The following ARHGAP10 variants were observed in gnomAD, a reference collection of about 807,000 sequenced individuals.
ARHGAP10 encodes the protein rho GTPase-activating protein 10.
In ARHGAP10, 87 loss-of-function variants were observed where a neutral mutation model predicts 108.6. That is an observed-to-expected ratio of 0.80 (90% confidence interval 0.67 to 0.96). ARHGAP10 has a LOEUF of 0.96. ARHGAP10 is among the 40% of genes least tolerant of loss of function. ARHGAP10 has a pLI of 0.00. For missense variants in ARHGAP10, 939 were observed against 954.5 expected, an observed-to-expected ratio of 0.98 and a Z score of 0.21; for synonymous variants, 347 against 341.1, an observed-to-expected ratio of 1.02 and a Z score of -0.19.
chr4:147,875,628 G>A (rs140222359), intron 8 of ARHGAP10, among the ~76,000 whole-genome samples: 3 of 152,076 alleles, frequency 2.0e-5, no homozygotes, highest in African/African-American at 7.2e-5. Flanking sequence ...GGACATATTA[G>A]TATTTTTCTT....
chr4:147,734,644 C>T (rs889174396), intron 1 of ARHGAP10, among the ~76,000 whole-genome samples: 1 of 152,138 alleles, frequency 6.6e-6, no homozygotes, highest in African/African-American at 2.4e-5. Flanking sequence ...CTGGTTAGGG[C>T]GTGGCTATAG....
chr4:147,760,837 G>A (rs1560743292), intron 1 of ARHGAP10, among the ~76,000 whole-genome samples: 1 of 152,154 alleles, frequency 6.6e-6, no homozygotes, highest in Admixed American at 6.6e-5. Flanking sequence ...TGAATGGCCG[G>A]TGGGGCTTTC....
intron 1 of ARHGAP10, among the ~76,000 whole-genome samples, chr4:147,770,391 G>C (rs1275461484): frequency 2.6e-5 from 4 of 152,256 alleles, no homozygotes; most frequent in Non-Finnish European, 5.9e-5. Flanking sequence ...TGGGCATGGT[G>C]GTGGGCGCCT....
rs773065698 is a variant in ARHGAP10, at chr4:148,063,290, C to T, written c.2170C>T (p.Pro724Ser). 2 of 1,614,172 alleles carry T rather than the reference C, an allele frequency of 1.2e-6. No individual in the cohort carries two copies. The highest frequency in any genetic ancestry group is 3.3e-5 in the Admixed American group (2 of 60,028). ...FSPPATVADK[P>S]PESIRSRKAR... ...TCCTCCTGCTACTGTAGCGGACAAGCCACCTGAAAGGTACGTGGTTTGGAG... is the reference window on the plus strand; with the variant it reads ...TCCTCCTGCTACTGTAGCGGACAAGTCACCTGAAAGGTACGTGGTTTGGAG... The change falls in exon 21 of 23, where the codon CCA (proline) becomes TCA (serine). Residue 724 changes from proline to serine, a missense_variant. Physicochemically the swap from Pro to Ser is moderately conservative, Grantham distance 74 (BLOSUM62 -1). Coordinates refer to ENST00000336498, the MANE Select transcript of ARHGAP10 (RefSeq NM_024605.4).
chr4:148,072,272 T>A lies in ARHGAP10; in HGVS notation c.*191T>A. ...TGGGACGCACCACACAGAACTGTGA[T>A]TGTGGATCAGGAGGGGAATGTCAGG... On this transcript the variant is annotated 3_prime_UTR_variant, in exon 23 of 23. Coordinates refer to ENST00000336498, the MANE Select transcript of ARHGAP10 (RefSeq NM_024605.4). 8.3e-6 allele frequency: 4 copies of A among 479,600 alleles called. No homozygotes were observed. Among genetic ancestry groups the A allele is most frequent in the Non-Finnish European group, 1.5e-5 (4 of 275,110 alleles). The allele number at this position is 479,600 out of a possible 1,614,324, so 29.7% of individuals were successfully genotyped here.
intron 19 of ARHGAP10, among the ~76,000 whole-genome samples, chr4:148,044,126 CAGGA>C (rs1294381439): frequency 6.6e-6 from 1 of 151,986 alleles, no homozygotes; most frequent in Non-Finnish European, 1.5e-5. Context: ...CACTGTTTGG[CAGGA>C]AGGAAGAGAG....
intron 1 of ARHGAP10, among the ~76,000 whole-genome samples, chr4:147,803,574 CT>C (rs1323343782): frequency 6.6e-6 from 1 of 152,236 alleles, no homozygotes; most frequent in African/African-American, 2.4e-5. Context: ...TAGCCAACCT[CT>C]TTATTGCCCC....
At position 147,909,775 on chromosome 4, in the gene ARHGAP10, GAAGT is replaced by G; in HGVS notation, c.1162+3_1162+6del. The stretch of plus-strand genomic sequence containing the variant: ...ACAGCCATCATCCCAAGACCAGAAG[GAAGT>G]AAGTGCTCATTTATAAAAATGATTG... On this transcript the variant is annotated splice_donor_variant and coding_sequence_variant, in exon 12 of 23. Coordinates refer to ENST00000336498, the MANE Select transcript of ARHGAP10 (RefSeq NM_024605.4). LOFTEE classifies it high-confidence loss of function. 5 of 1,608,214 alleles carry G rather than the reference GAAGT, an allele frequency of 3.1e-6. No homozygotes were observed. The highest frequency in any genetic ancestry group is 1.7e-5 in the Admixed American group (1 of 59,980).
chr4:147,896,164 G>C (rs76654940), intron 10 of ARHGAP10, among the ~76,000 whole-genome samples: 1 of 152,106 alleles, frequency 6.6e-6, no homozygotes. Flanking sequence ...AGATGTGTGC[G>C]TTATGATCTT....
Position 147,732,470 on chromosome 4 carries a change from G to C in ARHGAP10, c.154+15G>C. ...TGCGACGAAAAGTAAGCGGGGACGCGGGCGCGGACGGGCTGCGGCGTGGCG... is the reference window on the plus strand; with the variant it reads ...TGCGACGAAAAGTAAGCGGGGACGCCGGCGCGGACGGGCTGCGGCGTGGCG... On this transcript the variant is annotated intron_variant, in intron 1 of 22. Coordinates refer to ENST00000336498, the MANE Select transcript of ARHGAP10 (RefSeq NM_024605.4). The C allele has an allele frequency of 6.2e-7, 1 of 1,608,798 alleles. No individual in the cohort carries two copies. The highest frequency in any genetic ancestry group is 1.1e-5 in the South Asian group (1 of 90,470).
chr4:148,022,641 A>G (rs963759326), intron 18 of ARHGAP10, among the ~76,000 whole-genome samples: 7 of 152,244 alleles, frequency 4.6e-5, no homozygotes, highest in Non-Finnish European at 7.3e-5. Context: ...TCTGTGAATG[A>G]CATTATAGAT....
chr4:147,733,828 C>G (rs1369869080), intron 1 of ARHGAP10, among the ~76,000 whole-genome samples: 6 of 152,208 alleles, frequency 3.9e-5, no homozygotes, highest in Non-Finnish European at 5.9e-5. Flanking sequence ...TTTTGGTTCT[C>G]TGACCTCTTT....
chr4:148,000,265 T>C (rs1390295578), intron 18 of ARHGAP10, among the ~76,000 whole-genome samples: 1 of 152,262 alleles, frequency 6.6e-6, no homozygotes, highest in Non-Finnish European at 1.5e-5. Flanking sequence ...ACTCATCTTT[T>C]TGATGGCTGC....
At chr4:148,027,971 A>G (rs985556558) in intron 19 of ARHGAP10, among the ~76,000 whole-genome samples, 4 of 152,078 alleles carry the variant, frequency 2.6e-5, no homozygotes, top group Non-Finnish European at 5.9e-5. Flanking sequence ...CTGCATATCA[A>G]TTGAAGAGCT....
intron 13 of ARHGAP10, among the ~76,000 whole-genome samples, chr4:147,938,419 A>T (rs1560835597): frequency 6.6e-6 from 1 of 152,214 alleles, no homozygotes; most frequent in Non-Finnish European, 1.5e-5. Context: ...AAAGAGAAAA[A>T]GAAGGAACAA....
intron 15 of ARHGAP10, among the ~76,000 whole-genome samples, chr4:147,952,387 G>A (rs2262881): frequency 0.77 from 116,654 of 152,062 alleles, 48,656 homozygotes; most frequent in Non-Finnish European, 0.93. Context: ...AATATACAAA[G>A]GTTCCATTTC....
At chr4:147,785,555 A>G (rs1042392850) in intron 1 of ARHGAP10, among the ~76,000 whole-genome samples, 3 of 152,162 alleles carry the variant, frequency 2.0e-5, no homozygotes, top group African/African-American at 7.2e-5. Flanking sequence ...GATATCTAGG[A>G]CATAAATGAC....
chr4:147,848,941 C>T lies in ARHGAP10; in HGVS notation c.384+1719C>T, dbSNP rs529565261. Among the ~76,000 whole-genome samples the T allele has an allele frequency of 3.3e-5, 5 of 152,330 alleles. No homozygotes were observed. The South Asian group carries it at 6.2e-4, about 19-fold the overall frequency. On this transcript the variant is annotated intron_variant, in intron 4 of 22. Transcript: ENST00000336498. Reference sequence around the variant, plus strand: ...CTTTGAGCTGTTTAATGACCAAATTCTTTCCTGAAGTCCTATTTCTGTATC... The same window carrying T: ...CTTTGAGCTGTTTAATGACCAAATTTTTTCCTGAAGTCCTATTTCTGTATC...
intron 1 of ARHGAP10, among the ~76,000 whole-genome samples, chr4:147,763,643 T>A (rs1302675060): frequency 1.3e-5 from 2 of 151,920 alleles, no homozygotes; most frequent in Non-Finnish European, 2.9e-5. Flanking sequence ...TTATTCTGCC[T>A]GCTTTGGGAT....
Sources: gnomAD v4.1 joint callset for allele counts (sites outside exome capture counted in the v4.1 genomes callset) on GRCh38, gnomAD v4.1.1 for gene constraint, MANE v1.5 for transcripts, NCBI Gene and HGNC (gene_info 2026-07-23, HGNC 2026-07-21) for gene names.